The following STK4 variants were observed in gnomAD, a reference collection of about 807,000 sequenced individuals.
STK4 encodes the protein serine/threonine kinase 4, also known as serine/threonine-protein kinase 4.
A neutral mutation model predicts 64.9 loss-of-function variants in STK4; 30 were observed. The observed-to-expected ratio is 0.46, with a 90% confidence interval of 0.35 to 0.63. The LOEUF (loss-of-function observed/expected upper bound fraction) is 0.63, where lower values mean the gene tolerates loss of function less well. STK4 is among the 20% of genes least tolerant of loss of function. STK4 has a pLI of 0.01. For missense variants in STK4, 466 were observed against 598.5 expected (o/e 0.78, Z 2.31); for synonymous variants, 177 against 199.0 (o/e 0.89, Z 0.93).
At chr20:44,999,190 T>C (rs2067790694) in intron 7 of STK4, among the ~76,000 whole-genome samples, 1 of 152,178 alleles carries the variant, frequency 6.6e-6, no homozygotes, top group Non-Finnish European at 1.5e-5. Context: ...CCAGATTTAT[T>C]TGTCTCTTAT....
intron 9 of STK4, among the ~76,000 whole-genome samples, chr20:45,024,289 G>C (rs917730152): frequency 4.0e-5 from 6 of 150,914 alleles, no homozygotes; most frequent in African/African-American, 1.5e-4. Flanking sequence ...TTAACATTTT[G>C]GGTATTTTCC....
chr20:45,034,732 T>C (rs963615925), intron 10 of STK4, among the ~76,000 whole-genome samples: 1 of 151,926 alleles, frequency 6.6e-6, no homozygotes, highest in Non-Finnish European at 1.5e-5. Flanking sequence ...AGTATCATAG[T>C]GAGATCCCCA....
At chr20:45,042,339 A>G (rs182791149) in intron 10 of STK4, among the ~76,000 whole-genome samples, 7 of 152,220 alleles carry the variant, frequency 4.6e-5, no homozygotes, top group Admixed American at 4.6e-4. Context: ...TGAAATGTTG[A>G]GAAGACAAAG....
chr20:45,073,632 T>C (rs1980270833), intron 10 of STK4, among the ~76,000 whole-genome samples: 1 of 152,210 alleles, frequency 6.6e-6, no homozygotes, highest in Non-Finnish European at 1.5e-5. Context: ...AAACTGGTTG[T>C]GAGCACACAG....
At chr20:45,016,884 A>G (rs942883663) in intron 9 of STK4, among the ~76,000 whole-genome samples, 2 of 152,250 alleles carry the variant, frequency 1.3e-5, no homozygotes, top group African/African-American at 2.4e-5. Context: ...TAAGAGGCAG[A>G]TAAATCTTTC....
chr20:45,067,155 G>T (rs1262330081), intron 10 of STK4, among the ~76,000 whole-genome samples: 3 of 152,124 alleles, frequency 2.0e-5, no homozygotes, highest in African/African-American at 7.2e-5. Context: ...AGTGGCCAGT[G>T]TTGAGGTATG....
chr20:44,978,200 T>C (rs55705431), intron 2 of STK4, among the ~76,000 whole-genome samples: 9,012 of 152,330 alleles, frequency 0.059, 376 homozygotes, highest in Non-Finnish European at 0.096. Flanking sequence ...AGCTACTATA[T>C]TACCATCTCA....
At chr20:44,987,057 G>T in intron 4 of STK4, 75 bp from the exon 5 acceptor site, 4 of 1,247,302 alleles carry the variant, frequency 3.2e-6, no homozygotes, top group Non-Finnish European at 4.5e-6. Flanking sequence ...AGAAAGGTTT[G>T]GATCTGATTT....
At chr20:45,063,296 C>T (rs141100211) in intron 10 of STK4, among the ~76,000 whole-genome samples, 1 of 152,126 alleles carries the variant, frequency 6.6e-6, no homozygotes, top group East Asian at 1.9e-4. Context: ...TGAGCCACTG[C>T]ACCTGGCCTC....
intron 10 of STK4, among the ~76,000 whole-genome samples, chr20:45,045,436 G>GAAAACA (rs1229701269): frequency 6.6e-6 from 1 of 152,032 alleles, no homozygotes; most frequent in Admixed American, 6.6e-5. Context: ...TTTCTCACAT[G>GAAAACA]AAAACAAAAA....
intron 1 of STK4, 109 bp from the exon 2 acceptor site, chr20:44,971,969 G>C: frequency 9.7e-7 from 1 of 1,026,336 alleles, no homozygotes; most frequent in Non-Finnish European, 1.5e-6. Context: ...AACTAGTGAA[G>C]TCTGTATAGA....
intron 10 of STK4, among the ~76,000 whole-genome samples, chr20:45,071,368 A>G (rs933971143): frequency 6.6e-6 from 1 of 152,232 alleles, no homozygotes; most frequent in Non-Finnish European, 1.5e-5. Flanking sequence ...AGGACCAGGA[A>G]GGTGAAATGC....
At chr20:45,059,471 A>G (rs542466202) in intron 10 of STK4, among the ~76,000 whole-genome samples, 4 of 152,166 alleles carry the variant, frequency 2.6e-5, no homozygotes, top group African/African-American at 4.8e-5. Context: ...GCAACAGTCC[A>G]TTTGATAACC....
intron 10 of STK4, among the ~76,000 whole-genome samples, chr20:45,055,721 CTTTCTTTT>C (rs1467630788): frequency 1.4e-5 from 2 of 139,822 alleles, no homozygotes; most frequent in Admixed American, 1.4e-4. Flanking sequence ...TTCTTTCTTT[CTTTCTTTT>C]TTTTTTGTTT....
chr20:45,048,561 A>G (rs1003082439), intron 10 of STK4, among the ~76,000 whole-genome samples: 1 of 151,692 alleles, frequency 6.6e-6, no homozygotes, highest in East Asian at 1.9e-4. Flanking sequence ...GCTGGAGTGC[A>G]GTGGCGTGGT....
chr20:45,009,674 G>A (rs1448657087), intron 9 of STK4, among the ~76,000 whole-genome samples: 1 of 152,138 alleles, frequency 6.6e-6, no homozygotes, highest in Non-Finnish European at 1.5e-5. Context: ...AGCATACAAT[G>A]TTTTTCCATT....
chr20:45,021,164 T>C (rs987479775), intron 9 of STK4, among the ~76,000 whole-genome samples: 5 of 152,148 alleles, frequency 3.3e-5, no homozygotes, highest in Non-Finnish European at 7.4e-5. Context: ...TTTGCTATTG[T>C]CTCAATGCCC....
At chr20:45,024,942 CTTTTCAT>C (rs747112337) in intron 9 of STK4, 24 bp from the exon 10 acceptor site, 50 of 1,521,368 alleles carry the variant, frequency 3.3e-5, no homozygotes, top group Admixed American at 4.4e-5. Context: ...TAGAATGTTT[CTTTTCAT>C]TTTTCATTTT....
intron 6 of STK4, among the ~76,000 whole-genome samples, chr20:44,996,019 TG>T (rs2067723895): frequency 6.6e-6 from 1 of 152,226 alleles, no homozygotes; most frequent in South Asian, 2.1e-4. Flanking sequence ...ATTTCTCTAA[TG>T]TTTTTCTTAT....
Sources: gnomAD v4.1 joint callset for allele counts (sites outside exome capture counted in the v4.1 genomes callset) on GRCh38, gnomAD v4.1.1 for gene constraint, MANE v1.5 for transcripts, NCBI Gene and HGNC (gene_info 2026-07-23, HGNC 2026-07-21) for gene names.